HERC6: variants seen among roughly 807,000 people sequenced by gnomAD.
HERC6 encodes the protein HECT and RLD domain containing E3 ubiquitin protein ligase family member 6.
In HERC6, 101 loss-of-function variants were observed where a neutral mutation model predicts 114.5. That is an observed-to-expected ratio of 0.88 (90% CI 0.75 to 1.04). The LOEUF (loss-of-function observed/expected upper bound fraction) is 1.04, where lower values mean the gene tolerates loss of function less well. Among genes scored for constraint, HERC6 ranks in the 50% least tolerant of loss-of-function variants. The pLI is 0.00. For synonymous variants in HERC6, 408 were observed against 436.2 expected (o/e 0.94, Z 0.81); for missense variants, 1,133 against 1,230.9 (o/e 0.92, Z 1.19).
intron 3 of HERC6, among the ~76,000 whole-genome samples, chr4:88,388,286 C>T (rs754233524): frequency 4.6e-5 from 7 of 152,052 alleles, no homozygotes; most frequent in Admixed American, 2.0e-4. Flanking sequence ...CACGGTGGCT[C>T]ATGCCTGTAA....
chr4:88,442,238 C>T lies in HERC6; in HGVS notation c.2847C>T (p.Phe949=), dbSNP rs759475940. The change falls in exon 23 of 23, where the codon TTC becomes TTT. Residue 949 remains phenylalanine, a synonymous_variant. Transcript: ENST00000264346. ...CCAAATTTTATTCCTTTCTAGTTTT[C>T]CTTACAGGACGTGATAGGCTGCATG... ...TLDEKKKFLF[F]LTGRDRLHAR... 6 of 1,607,322 alleles carry T rather than the reference C, an allele frequency of 3.7e-6. No individual in the cohort carries two copies. Among genetic ancestry groups the T allele is most frequent in the Non-Finnish European group, 3.4e-6 (4 of 1,176,078 alleles).
At chr4:88,437,381 A>G (rs982732809) in intron 19 of HERC6, among the ~76,000 whole-genome samples, 1 of 152,052 alleles carries the variant, frequency 6.6e-6, no homozygotes, top group African/African-American at 2.4e-5. Flanking sequence ...TTTAAAAGAC[A>G]TTTTATTTCT....
chr4:88,440,070 T>C lies in HERC6; in HGVS notation c.2739+13T>C. On this transcript the variant is annotated intron_variant, in intron 21 of 22. Transcript: ENST00000264346. ...ACAGTTTGAACAGGTAGGTGATACC[T>C]AAAGTGCCCCAATTTTTCCGAACAA... The C allele has an allele frequency of 6.2e-7, 1 of 1,608,082 alleles. No individual in the cohort carries two copies. The highest frequency in any genetic ancestry group is 2.2e-5 in the East Asian group (1 of 44,816).
intron 1 of HERC6, among the ~76,000 whole-genome samples, chr4:88,382,232 A>G (rs1032793751): frequency 6.6e-6 from 1 of 152,156 alleles, no homozygotes; most frequent in Non-Finnish European, 1.5e-5. Flanking sequence ...GATGTTCTCA[A>G]CTCCAAACCT....
chr4:88,425,759 C>T (rs1247897004), intron 15 of HERC6, among the ~76,000 whole-genome samples: 3 of 151,862 alleles, frequency 2.0e-5, no homozygotes, highest in African/African-American at 4.8e-5. Flanking sequence ...ATATATAATG[C>T]CATCCCCTTA....
chr4:88,394,270 C>T lies in HERC6; in HGVS notation c.759+688C>T, dbSNP rs553753163. ...CGGGCAGATCACGAGGTCAGGAGTT[C>T]AAGACCAGCCTGGCCAACATAGTGA... On this transcript the variant is annotated intron_variant, in intron 5 of 22. Coordinates refer to ENST00000264346, the MANE Select transcript of HERC6 (RefSeq NM_017912.4). Among the ~76,000 whole-genome samples the T allele has an allele frequency of 7.2e-5, 11 of 151,904 alleles. No individual in the cohort carries two copies. In the East Asian group the frequency reaches 7.8e-4, roughly 11 times the overall value.
At chr4:88,433,743 T>C (rs993443577) in intron 17 of HERC6, among the ~76,000 whole-genome samples, 3 of 152,232 alleles carry the variant, frequency 2.0e-5, no homozygotes, top group Admixed American at 1.3e-4. Context: ...TCAGATATTC[T>C]GTTATAAGCA....
chr4:88,384,091 TAA>T (rs1734458279), intron 2 of HERC6, among the ~76,000 whole-genome samples: 1 of 152,160 alleles, frequency 6.6e-6, no homozygotes, highest in Admixed American at 6.5e-5. Flanking sequence ...CAGTTCCCAG[TAA>T]CTTCCTTGAG....
intron 1 of HERC6, among the ~76,000 whole-genome samples, chr4:88,379,485 G>A (rs1371744141): frequency 6.6e-6 from 1 of 151,394 alleles, no homozygotes; most frequent in Non-Finnish European, 1.5e-5. Context: ...TCTGGAAAGA[G>A]ATGTGGTCCC....
intron 13 of HERC6, among the ~76,000 whole-genome samples, chr4:88,419,237 C>A (rs543427514): frequency 6.6e-6 from 1 of 152,016 alleles, no homozygotes; most frequent in Non-Finnish European, 1.5e-5. Context: ...TTGGTGTCCA[C>A]GTTCTCTATG....
Position 88,385,637 on chromosome 4 carries a change from G to T in HERC6, c.436+62G>T, listed in dbSNP as rs1734534020. ...AGTAATTTTTTGAATAGGAATTATA[G>T]CTGCTGATTTTTAATGCACTGGGGT... On this transcript the variant is annotated intron_variant, in intron 3 of 22. Coordinates refer to ENST00000264346, the MANE Select transcript of HERC6 (RefSeq NM_017912.4). 5 of 824,044 alleles carry T rather than the reference G, an allele frequency of 6.1e-6. No homozygotes were observed. In the Middle Eastern group the frequency reaches 6.9e-4, roughly 114 times the overall value. 51.0% of individuals were successfully genotyped at this position (824,044 alleles called of 1,614,324 possible).
At chr4:88,430,086 T>C (rs1260892481) in intron 16 of HERC6, among the ~76,000 whole-genome samples, 2 of 152,152 alleles carry the variant, frequency 1.3e-5, no homozygotes, top group Non-Finnish European at 2.9e-5. Context: ...CATGATGGTC[T>C]ATTGATCGAA....
chr4:88,397,569 A>G (rs1267825496), intron 7 of HERC6, among the ~76,000 whole-genome samples: 1 of 151,672 alleles, frequency 6.6e-6, no homozygotes, highest in African/African-American at 2.4e-5. Flanking sequence ...TGGTGGTGCA[A>G]GCCTGTAATC....
Position 88,383,255 on chromosome 4 carries a change from T to A in HERC6, c.234T>A (p.Asp78Glu). ...AGGCATTGGAAACCCTAATTGTTGATCTCGTGAGCTGCGGGAAGGAGCACT... is the reference window on the plus strand; with the variant it reads ...AGGCATTGGAAACCCTAATTGTTGAACTCGTGAGCTGCGGGAAGGAGCACT... ...PIQALETLIVDLVSCGKEHSL... is the reference protein window; with the variant it reads ...PIQALETLIVELVSCGKEHSL... Residue 78 changes from aspartate to glutamate, a missense_variant, in exon 2 of 23, where the codon GAT (aspartate) becomes GAA (glutamate). Asp to Glu is a conservative substitution (Grantham distance 45, BLOSUM62 2). Coordinates refer to ENST00000264346, the MANE Select transcript of HERC6 (RefSeq NM_017912.4). The A allele has an allele frequency of 6.2e-7, 1 of 1,609,390 alleles. No individual in the cohort carries two copies.
chr4:88,418,886 C>T (rs1736766564), intron 13 of HERC6, among the ~76,000 whole-genome samples: 1 of 152,036 alleles, frequency 6.6e-6, no homozygotes, highest in Non-Finnish European at 1.5e-5. Flanking sequence ...GCCACCACAC[C>T]CAGATAATTT....
At chr4:88,430,406 C>T (rs937122207) in intron 16 of HERC6, among the ~76,000 whole-genome samples, 1 of 151,428 alleles carries the variant, frequency 6.6e-6, no homozygotes, top group Non-Finnish European at 1.5e-5. Context: ...ACCAGACTGC[C>T]CAAAAATACA....
chr4:88,442,453 A>G lies in HERC6; in HGVS notation c.3062A>G (p.Gln1021Arg). 6.2e-7 allele frequency: 1 copy of G among 1,612,658 alleles called. No individual in the cohort carries two copies. The highest frequency in any genetic ancestry group is 1.1e-5 in the South Asian group (1 of 90,908). ...NRGFVSPMLTQS is the reference protein window; with the variant it reads ...NRGFVSPMLTRS ...GGATTTGTCTCACCCATGCTCACAC[A>G]GTCATAATCACCTCTGAGAGACTCA... Residue 1021 changes from glutamine to arginine, a missense_variant, in exon 23 of 23, where the codon CAG becomes CGG. Physicochemically the swap from Gln to Arg is conservative, Grantham distance 43. Coordinates refer to ENST00000264346, the MANE Select transcript of HERC6 (RefSeq NM_017912.4).
Position 88,436,901 on chromosome 4 carries a change from T to C in HERC6, c.2418-4T>C. 6.3e-7 allele frequency: 1 copy of C among 1,595,594 alleles called. No homozygotes were observed. The highest frequency in any genetic ancestry group is 2.2e-5 in the East Asian group (1 of 44,454). On this transcript the variant is annotated splice_region_variant and splice_polypyrimidine_tract_variant and intron_variant, in intron 18 of 22. Transcript: ENST00000264346. ...ATAATTTTTAAAACCAAAATCTTCA[T>C]TAGGAGTTTGCAAGAAGTTCTAGAT... is the stretch of plus-strand genomic sequence containing the variant.
At chr4:88,379,747 A>G (rs1734083917) in intron 1 of HERC6, among the ~76,000 whole-genome samples, 1 of 93,266 alleles carries the variant, frequency 1.1e-5, no homozygotes, top group South Asian at 2.8e-4. Context: ...ATATAAATAT[A>G]TAACATATAA....
Sources: allele counts gnomAD v4.1 joint callset (sites outside exome capture counted in the v4.1 genomes callset), GRCh38; gene constraint gnomAD v4.1.1; transcripts MANE v1.5; gene names NCBI Gene and HGNC (gene_info 2026-07-23, HGNC 2026-07-21).